The following CCDC3 variants were observed in gnomAD, a reference collection of about 807,000 sequenced individuals.
CCDC3 encodes the protein coiled-coil domain-containing protein 3.
In CCDC3, 24 loss-of-function variants were observed where a neutral mutation model predicts 21.4. The observed-to-expected ratio is 1.12, with a 90% CI of 0.81 to 1.58. The LOEUF (loss-of-function observed/expected upper bound fraction) is 1.58. CCDC3 is among the 40% of genes most tolerant of loss of function. CCDC3 has a pLI of 0.00. For missense variants in CCDC3, 425 were observed against 360.9 expected (o/e 1.18, Z -1.44); for synonymous variants, 186 against 166.0 (o/e 1.12, Z -0.93).
chr10:13,040,267 T>C (rs1400737868), intron 5 of CCDC3, among the ~76,000 whole-genome samples: 1 of 152,134 alleles, frequency 6.6e-6, no homozygotes, highest in Non-Finnish European at 1.5e-5. Flanking sequence ...AGATTTGCAA[T>C]TAAATTCCAC....
At chr10:12,924,198 T>G (rs281852) in intron 2 of CCDC3, among the ~76,000 whole-genome samples, 149,345 of 152,330 alleles carry the variant, frequency 0.98, 73,279 homozygotes, top group East Asian at 1. Context: ...CTAAGAGCTG[T>G]ATATTCTGTA....
chr10:12,897,847 C>T lies in CCDC3; in HGVS notation c.*569G>A, dbSNP rs141310923. 6.5e-6 allele frequency: 1 copy of T among 153,008 alleles called. No homozygotes were observed. Among genetic ancestry groups the T allele is most frequent in the East Asian group, 1.9e-4 (1 of 5,184 alleles). The allele number at this position is 153,008 out of a possible 1,614,324, so 9.5% of individuals were successfully genotyped here. Reference sequence around the variant, plus strand: ...CTGTGATGAGCTTATGAAGTCTTCACCTGCCTCAGCTGGAAGGAAAATGCT... The same window carrying T: ...CTGTGATGAGCTTATGAAGTCTTCATCTGCCTCAGCTGGAAGGAAAATGCT... On this transcript the variant is annotated 3_prime_UTR_variant, in exon 3 of 3. Coordinates refer to ENST00000378825, the MANE Select transcript of CCDC3 (RefSeq NM_031455.4).
chr10:13,022,871 T>C (rs1444884274), intron 5 of CCDC3, among the ~76,000 whole-genome samples: 1 of 152,134 alleles, frequency 6.6e-6, no homozygotes, highest in Admixed American at 6.5e-5. Flanking sequence ...TTTACAAAGT[T>C]GATGAAAGTG....
At chr10:13,037,079 C>A (rs1836387087) in intron 5 of CCDC3, among the ~76,000 whole-genome samples, 1 of 152,188 alleles carries the variant, frequency 6.6e-6, no homozygotes, top group African/African-American at 2.4e-5. Flanking sequence ...GTCACTGTGC[C>A]TGGCTGCCTC....
Position 13,046,960 on chromosome 10 carries a change from A to G in CCDC3, c.-2+2714T>C, listed in dbSNP as rs563222577. Among the ~76,000 whole-genome samples, 461 of 152,066 alleles carry G rather than the reference A, an allele frequency of 3.0e-3. 2 individuals carry two copies. Among genetic ancestry groups the G allele is most frequent in the African/African-American group, 0.01 (435 of 41,510 alleles). ...TCATTCACTTTCTAAAAAAAAAAAA[A>G]AAGAAGAAGCCAATCCAGCAATTTG... is the stretch of plus-strand genomic sequence containing the variant. On this transcript the variant is annotated intron_variant, in intron 5 of 6. Transcript: ENST00000378839.
intron 2 of CCDC3, among the ~76,000 whole-genome samples, chr10:12,960,909 G>A (rs1733088818): frequency 6.6e-6 from 1 of 152,176 alleles, no homozygotes; most frequent in African/African-American, 2.4e-5. Flanking sequence ...ACGTAGGGAT[G>A]TTGTGGTGAC....
At chr10:13,054,729 G>A (rs1316869937) in intron 4 of CCDC3, among the ~76,000 whole-genome samples, 1 of 152,028 alleles carries the variant, frequency 6.6e-6, no homozygotes, top group African/African-American at 2.4e-5. Context: ...GGGCAGTGGT[G>A]TGATCTCTGC....
intron 5 of CCDC3, among the ~76,000 whole-genome samples, chr10:13,029,871 T>C (rs1190560093): frequency 2.6e-5 from 4 of 152,332 alleles, no homozygotes; most frequent in South Asian, 2.1e-4. Context: ...CTGATTGGTA[T>C]ACCTGAAAGT....
chr10:13,018,102 A>T lies in CCDC3; in HGVS notation c.-1-19590T>A, dbSNP rs573590758. On this transcript the variant is annotated intron_variant, in intron 5 of 6. Coordinates refer to the CCDC3 transcript ENST00000378839. Reference sequence around the variant, plus strand: ...GTCCTTGGAATGAAATGAAAAAAAAAAATAATAATAAGCCAAAGCTCCAGA... The same window carrying T: ...GTCCTTGGAATGAAATGAAAAAAAATAATAATAATAAGCCAAAGCTCCAGA... Among the ~76,000 whole-genome samples the T allele has an allele frequency of 4.7e-3, 712 of 152,118 alleles. 13 individuals carry two copies. The highest frequency in any genetic ancestry group is 6.8e-3 in the Non-Finnish European group (465 of 67,914).
chr10:12,898,976 A>G (rs965212053), intron 2 of CCDC3, among the ~76,000 whole-genome samples: 3 of 152,234 alleles, frequency 2.0e-5, no homozygotes, highest in African/African-American at 7.2e-5. Context: ...CAAAAAGGAA[A>G]GAGCCCCGCT....
chr10:12,900,255 ATG>A (rs542587527), intron 2 of CCDC3, among the ~76,000 whole-genome samples: 2 of 152,036 alleles, frequency 1.3e-5, no homozygotes, highest in Admixed American at 6.6e-5. Context: ...TTTCCTTTAT[ATG>A]TGTGTGTGAG....
chr10:13,086,608 C>G (rs969438473), intron 3 of CCDC3, among the ~76,000 whole-genome samples: 2 of 152,084 alleles, frequency 1.3e-5, no homozygotes, highest in Admixed American at 1.3e-4. Context: ...CACCACGCCC[C>G]ACTAATTTTT....
intron 2 of CCDC3, among the ~76,000 whole-genome samples, chr10:12,989,100 G>C (rs1390786136): frequency 6.6e-6 from 1 of 152,182 alleles, no homozygotes; most frequent in Non-Finnish European, 1.5e-5. Flanking sequence ...CTTTACAAAG[G>C]TCTTCATAGC....
chr10:12,956,097 G>A (rs1050553785), intron 2 of CCDC3, among the ~76,000 whole-genome samples: 2 of 152,006 alleles, frequency 1.3e-5, no homozygotes, highest in African/African-American at 4.8e-5. Context: ...TCCCACCTCG[G>A]CCTCCCAAAA....
chr10:12,900,396 G>A (rs1469295438), intron 2 of CCDC3, among the ~76,000 whole-genome samples: 1 of 151,768 alleles, frequency 6.6e-6, no homozygotes, highest in African/African-American at 2.4e-5. Context: ...TCATTGAGCC[G>A]GGCTGGGTGT....
chr10:13,051,020 G>C (rs187267800), intron 4 of CCDC3, among the ~76,000 whole-genome samples: 7 of 152,234 alleles, frequency 4.6e-5, no homozygotes, highest in African/African-American at 7.2e-5. Context: ...CAAACTCCTG[G>C]TCTCAAGCCA....
intron 2 of CCDC3, among the ~76,000 whole-genome samples, chr10:12,898,916 C>A (rs905490708): frequency 6.6e-6 from 1 of 152,188 alleles, no homozygotes; most frequent in African/African-American, 2.4e-5. Flanking sequence ...ACTTGGCTTC[C>A]TTGGAAGATG....
At chr10:12,917,695 G>A (rs947684007) in intron 2 of CCDC3, among the ~76,000 whole-genome samples, 3 of 152,072 alleles carry the variant, frequency 2.0e-5, no homozygotes, top group South Asian at 4.1e-4. Context: ...TGTGAATTTC[G>A]CTTTCTAAAA....
intron 2 of CCDC3, among the ~76,000 whole-genome samples, chr10:12,960,383 C>G (rs566718393): frequency 6.6e-6 from 1 of 152,018 alleles, no homozygotes; most frequent in Non-Finnish European, 1.5e-5. Context: ...CAGAGAAAGA[C>G]GGAGGCGGGA....
Sources: allele counts gnomAD v4.1 joint callset (sites outside exome capture counted in the v4.1 genomes callset), GRCh38; gene constraint gnomAD v4.1.1; transcripts MANE v1.5; gene names NCBI Gene and HGNC (gene_info 2026-07-23, HGNC 2026-07-21).